DDX60: variants seen among roughly 807,000 people sequenced by gnomAD.
DDX60 encodes the protein probable ATP-dependent RNA helicase DDX60.
DDX60 carries 165 observed loss-of-function variants against 212.8 expected under a neutral mutation model. That is an observed-to-expected ratio of 0.78 (90% CI 0.68 to 0.88). The LOEUF (loss-of-function observed/expected upper bound fraction) is 0.88. Among genes scored for constraint, DDX60 ranks in the 40% least tolerant of loss-of-function variants. The probability of loss-of-function intolerance (pLI) is 0.00; values close to 1 mark genes in which losing one functional copy is unlikely to be tolerated. For synonymous variants in DDX60, 703 were observed against 685.3 expected, an observed-to-expected ratio of 1.03 and a Z score of -0.40; for missense variants, 1,905 against 2,003.9, an observed-to-expected ratio of 0.95 and a Z score of 0.94.
intron 30 of DDX60, 52 bp downstream of exon 30, chr4:168,246,366 A>T: frequency 6.2e-7 from 1 of 1,604,466 alleles, no homozygotes; most frequent in Non-Finnish European, 8.5e-7. Flanking sequence ...AGACCTGACT[A>T]AAGTCAGGCC....
At chr4:168,227,518 C>T (rs993593008) in intron 33 of DDX60, among the ~76,000 whole-genome samples, 17 of 151,940 alleles carry the variant, frequency 1.1e-4, no homozygotes, top group Non-Finnish European at 2.4e-4. Context: ...AACTTAGAGG[C>T]TTTGTTGATT....
At chr4:168,306,757 A>G in intron 4 of DDX60, 37 bp from the exon 5 acceptor site, 17 of 1,461,036 alleles carry the variant, frequency 1.2e-5, no homozygotes, top group Non-Finnish European at 1.6e-5. Flanking sequence ...TTATTTCAAA[A>G]TTATCATTTA....
At chr4:168,225,178 A>G (rs1034492125) in intron 34 of DDX60, among the ~76,000 whole-genome samples, 1 of 152,026 alleles carries the variant, frequency 6.6e-6, no homozygotes, top group African/African-American at 2.4e-5. Flanking sequence ...GACCCAGAAA[A>G]TATGCTCAGA....
chr4:168,313,034 T>A (rs1463463009), intron 1 of DDX60, among the ~76,000 whole-genome samples: 1 of 152,164 alleles, frequency 6.6e-6, no homozygotes, highest in East Asian at 1.9e-4. Context: ...TATGCAAATA[T>A]GCATGAAGCA....
At chr4:168,263,908 A>G (rs1734729341) in intron 22 of DDX60, among the ~76,000 whole-genome samples, 1 of 152,236 alleles carries the variant, frequency 6.6e-6, no homozygotes, top group Admixed American at 6.5e-5. Flanking sequence ...TATTGTATCA[A>G]ATAGGATTCT....
At chr4:168,262,928 CA>C in intron 22 of DDX60, 141 bp from the exon 23 acceptor site, 1 of 454,546 alleles carries the variant, frequency 2.2e-6, no homozygotes, top group Admixed American at 4.4e-5. Context: ...TAAATGCTAC[CA>C]AATTCTATCA....
intron 19 of DDX60, among the ~76,000 whole-genome samples, chr4:168,269,735 G>A (rs933488777): frequency 4.6e-5 from 7 of 152,074 alleles, no homozygotes; most frequent in Admixed American, 1.3e-4. Context: ...TCATTTGGCC[G>A]CTGCTGCCTC....
chr4:168,267,023 A>G (rs921048232), intron 22 of DDX60, among the ~76,000 whole-genome samples: 92 of 152,350 alleles, frequency 6.0e-4, no homozygotes, highest in Middle Eastern at 6.8e-3. Context: ...TGGGCCATGT[A>G]TGGGACTAGG....
intron 13 of DDX60, among the ~76,000 whole-genome samples, chr4:168,283,011 C>CA (rs56396493): frequency 6.6e-6 from 1 of 151,990 alleles, no homozygotes; most frequent in Non-Finnish European, 1.5e-5. Context: ...ACCTTCCACT[C>CA]AAAAAATGTG....
At chr4:168,251,133 T>G in intron 27 of DDX60, 27 bp from the exon 28 acceptor site, 1 of 1,575,312 alleles carries the variant, frequency 6.3e-7, no homozygotes, top group Non-Finnish European at 8.6e-7. Flanking sequence ...ATTTAGGGAT[T>G]ATGATTTAAT....
intron 28 of DDX60, among the ~76,000 whole-genome samples, chr4:168,248,512 T>A (rs1734099336): frequency 6.6e-6 from 1 of 152,144 alleles, no homozygotes; most frequent in Non-Finnish European, 1.5e-5. Flanking sequence ...TCCCCAAATA[T>A]TCGTTTCTCT....
chr4:168,289,704 C>T (rs1168930133), intron 8 of DDX60, among the ~76,000 whole-genome samples: 9 of 152,144 alleles, frequency 5.9e-5, no homozygotes, highest in Admixed American at 5.9e-4. Context: ...ACTAACGTGC[C>T]CTTCATACAA....
chr4:168,221,342 G>A lies in DDX60; in HGVS notation c.4976+388C>T, dbSNP rs562634264. Among the ~76,000 whole-genome samples, 24 of 152,178 alleles carry A rather than the reference G, an allele frequency of 1.6e-4. No individual in the cohort carries two copies. The South Asian group carries it at 5.0e-3, about 32-fold the overall frequency. On this transcript the variant is annotated intron_variant, in intron 36 of 37. Transcript: ENST00000393743. ...AACTAAAACAATTGTCATGTACTCA[G>A]TCCTCTATCTACTCTTCTCAAATAC...
intron 3 of DDX60, among the ~76,000 whole-genome samples, chr4:168,310,640 C>A (rs774450518): frequency 2.6e-5 from 4 of 152,010 alleles, no homozygotes; most frequent in Non-Finnish European, 5.9e-5. Context: ...CTTGGTAGAG[C>A]AGAGAGAAAG....
intron 32 of DDX60, among the ~76,000 whole-genome samples, chr4:168,236,973 T>C (rs909600374): frequency 1.3e-5 from 2 of 151,186 alleles, no homozygotes; most frequent in African/African-American, 4.8e-5. Flanking sequence ...TGAATATATA[T>C]TATATTTAAT....
At chr4:168,247,022 C>A (rs982855786) in intron 29 of DDX60, among the ~76,000 whole-genome samples, 5 of 152,184 alleles carry the variant, frequency 3.3e-5, no homozygotes, top group Non-Finnish European at 7.3e-5. Context: ...CTCTCTCACA[C>A]ACAAGTGTGT....
chr4:168,257,200 T>G (rs1734448813), intron 25 of DDX60, among the ~76,000 whole-genome samples: 1 of 152,130 alleles, frequency 6.6e-6, no homozygotes, highest in Admixed American at 6.5e-5. Context: ...TAATCCCAGC[T>G]TGGGAGACTG....
intron 33 of DDX60, 39 bp downstream of exon 33, chr4:168,236,213 T>A (rs1430845756): frequency 1.3e-6 from 2 of 1,595,216 alleles, no homozygotes; most frequent in Non-Finnish European, 1.7e-6. Flanking sequence ...TATTTAGTGG[T>A]TTTACATTAC....
chr4:168,239,919 C>T (rs1733778564), intron 30 of DDX60, among the ~76,000 whole-genome samples: 1 of 151,634 alleles, frequency 6.6e-6, no homozygotes, highest in Admixed American at 6.6e-5. Context: ...TGAAAAAATA[C>T]TTATATGCCC....
Sources: allele counts gnomAD v4.1 joint callset (sites outside exome capture counted in the v4.1 genomes callset), GRCh38; gene constraint gnomAD v4.1.1; transcripts MANE v1.5; gene names NCBI Gene and HGNC (gene_info 2026-07-23, HGNC 2026-07-21).